The following AUTS2 variants were observed in gnomAD, a reference collection of about 807,000 sequenced individuals.
The protein encoded by AUTS2 is autism susceptibility gene 2 protein.
In AUTS2, 17 loss-of-function variants were observed where a neutral mutation model predicts 112.4. The observed-to-expected ratio is 0.15, with a 90% CI of 0.10 to 0.23. AUTS2 has a LOEUF of 0.23. Among genes scored for constraint, AUTS2 ranks in the 10% least tolerant of loss-of-function variants. AUTS2 has a pLI of 1.00. For missense variants in AUTS2, 1,510 were observed against 1,701.6 expected (o/e 0.89, Z 1.98); for synonymous variants, 751 against 702.7 (o/e 1.07, Z -1.09).
intron 5 of AUTS2, among the ~76,000 whole-genome samples, chr7:70,538,524 C>G (rs1244785993): frequency 6.6e-6 from 1 of 151,870 alleles, no homozygotes; most frequent in Admixed American, 6.6e-5. Context: ...AGCAAGACTC[C>G]GTCTCAAAAA....
intron 1 of AUTS2, among the ~76,000 whole-genome samples, chr7:69,671,515 GTGTGTGTGTC>G (rs1478832103): frequency 1.3e-5 from 2 of 151,582 alleles, no homozygotes; most frequent in African/African-American, 2.4e-5. Flanking sequence ...GTGTGTGTGT[GTGTGTGTGTC>G]TGTGTGTGTG....
At chr7:69,997,564 G>A (rs1403657169) in intron 2 of AUTS2, among the ~76,000 whole-genome samples, 1 of 152,154 alleles carries the variant, frequency 6.6e-6, no homozygotes, top group African/African-American at 2.4e-5. Flanking sequence ...CATAGCACCA[G>A]CATCTGCTTG....
rs79847037 is a variant in AUTS2 at position 69,746,549 on chromosome 7, C to T, written c.309+146587C>T. 8.7e-4 allele frequency among the ~76,000 whole-genome samples: 132 copies of T among 152,124 alleles called. 4 individuals are homozygous for T. In the East Asian group the frequency reaches 0.021, roughly 24 times the overall value. Reference sequence around the variant, plus strand: ...CTTGAAGAGGGAATGGAATGAGCTGCGCAACTCTTCTTAGGAGAACATTAG... The same window carrying T: ...CTTGAAGAGGGAATGGAATGAGCTGTGCAACTCTTCTTAGGAGAACATTAG... On this transcript the variant is annotated intron_variant, in intron 1 of 18. Transcript: ENST00000342771.
Position 69,787,698 on chromosome 7 carries a change from C to T in AUTS2, c.310-111588C>T, listed in dbSNP as rs565974511. Among the ~76,000 whole-genome samples the T allele has an allele frequency of 4.6e-3, 699 of 152,218 alleles. 3 individuals are homozygous for T. Among genetic ancestry groups the T allele is most frequent in the Non-Finnish European group, 8.1e-3 (554 of 68,012 alleles). ...AATCCCAAGAAGCTGGGATTACAGG[C>T]GTGCCACCATACCCAGCTAATTTTT... On this transcript the variant is annotated intron_variant, in intron 1 of 18. Coordinates refer to ENST00000342771, the MANE Select transcript of AUTS2 (RefSeq NM_015570.4).
rs976271930 is a variant in AUTS2 at position 70,694,881 on chromosome 7, C to A, written c.691-3688C>A. 8.5e-5 allele frequency: 13 copies of A among 152,258 alleles called. No individual in the cohort carries two copies. The highest frequency in any genetic ancestry group is 3.1e-4 in the African/African-American group (13 of 41,562). The allele number at this position is 152,258 out of a possible 1,614,324, so 9.4% of individuals were successfully genotyped here. On this transcript the variant is annotated intron_variant, in intron 5 of 18. Coordinates refer to ENST00000342771, the MANE Select transcript of AUTS2 (RefSeq NM_015570.4). This position sits in a 1 kb window ranked among gnomAD's most constrained non-coding sequence, Gnocchi z 4.1. The stretch of plus-strand genomic sequence containing the variant: ...CTCTCGGACTTTGGCGAGGAAGGAG[C>A]CCAGAGACTCTTGTGGACAGAGCCG...
At chr7:70,056,712 A>G (rs971013285) in intron 2 of AUTS2, among the ~76,000 whole-genome samples, 9 of 152,180 alleles carry the variant, frequency 5.9e-5, no homozygotes, top group African/African-American at 2.2e-4. Context: ...GAGCCTTTCA[A>G]AGGCAGGATT....
At chr7:70,577,355 A>G (rs981837863) in intron 5 of AUTS2, among the ~76,000 whole-genome samples, 24 of 152,174 alleles carry the variant, frequency 1.6e-4, no homozygotes, top group African/African-American at 5.5e-4. Flanking sequence ...CACTGTGCAT[A>G]CCCACATGGT....
intron 6 of AUTS2, among the ~76,000 whole-genome samples, chr7:70,730,345 C>T (rs1787309629): frequency 6.6e-6 from 1 of 151,970 alleles, no homozygotes; most frequent in African/African-American, 2.4e-5. Context: ...ATGCAGCTAT[C>T]ACTACAATTA....
chr7:70,476,423 T>A (rs1797585691), intron 5 of AUTS2, among the ~76,000 whole-genome samples: 1 of 152,220 alleles, frequency 6.6e-6, no homozygotes, highest in Non-Finnish European at 1.5e-5. Flanking sequence ...TATTGTTCAC[T>A]GCTATTAAAC....
intron 2 of AUTS2, among the ~76,000 whole-genome samples, chr7:70,101,787 G>GA (rs909274455): frequency 1.3e-4 from 19 of 151,016 alleles, no homozygotes; most frequent in African/African-American, 2.4e-4. Context: ...TTTTTAATAG[G>GA]AAAAAAAAAT....
chr7:69,938,427 T>C lies in AUTS2; in HGVS notation c.522+38929T>C, dbSNP rs1031349396. 2.0e-5 allele frequency among the ~76,000 whole-genome samples: 3 copies of C among 152,228 alleles called. 1 individual carries two copies. The highest frequency in any genetic ancestry group is 4.4e-5 in the Non-Finnish European group (3 of 68,048). Reference sequence around the variant, plus strand: ...TTTTTGCTGTTGCAGGAGGAAAGTATGATTTTTAAAATACAATAATCCTTT... The same window carrying C: ...TTTTTGCTGTTGCAGGAGGAAAGTACGATTTTTAAAATACAATAATCCTTT... On this transcript the variant is annotated intron_variant, in intron 2 of 18. Transcript: ENST00000342771.
chr7:70,006,431 A>G (rs1393027661), intron 2 of AUTS2, among the ~76,000 whole-genome samples: 3 of 152,194 alleles, frequency 2.0e-5, no homozygotes, highest in African/African-American at 7.2e-5. Flanking sequence ...AAGCTACGGA[A>G]ATGTGAGACG....
intron 5 of AUTS2, among the ~76,000 whole-genome samples, chr7:70,450,488 A>C (rs1450222344): frequency 6.6e-6 from 1 of 152,248 alleles, no homozygotes; most frequent in Non-Finnish European, 1.5e-5. Context: ...AAGGCTTAGC[A>C]TGTGGAGAGA....
At position 69,848,060 on chromosome 7, in the gene AUTS2, C is replaced by T. The variant is rs144811388; in HGVS notation, c.310-51226C>T. On this transcript the variant is annotated intron_variant, in intron 1 of 18. Transcript: ENST00000342771. ...TAGAGAACAGCCATCTGTACTTTGT[C>T]CTGTAAGTCATTAGAGACTGGCAGA... 2.1e-3 allele frequency among the ~76,000 whole-genome samples: 322 copies of T among 152,304 alleles called. 3 individuals carry two copies. Among genetic ancestry groups the T allele is most frequent in the African/African-American group, 7.6e-3 (315 of 41,576 alleles).
At chr7:70,647,766 A>G (rs991825157) in intron 5 of AUTS2, among the ~76,000 whole-genome samples, 7 of 152,208 alleles carry the variant, frequency 4.6e-5, no homozygotes, top group African/African-American at 1.7e-4. Flanking sequence ...CTAGCATGCC[A>G]GGGAGGCAGG....
intron 5 of AUTS2, among the ~76,000 whole-genome samples, chr7:70,528,595 A>G (rs1053328766): frequency 2.0e-5 from 3 of 151,824 alleles, no homozygotes; most frequent in Non-Finnish European, 4.4e-5. Flanking sequence ...GCAAGGATCC[A>G]CAGGTTAAGC....
intron 4 of AUTS2, among the ~76,000 whole-genome samples, chr7:70,150,942 A>G (rs1807400380): frequency 6.6e-6 from 1 of 152,248 alleles, no homozygotes; most frequent in Non-Finnish European, 1.5e-5. Context: ...GACACTGGAC[A>G]TAAGGCAGTA....
chr7:69,836,614 C>A (rs1321286264), intron 1 of AUTS2, among the ~76,000 whole-genome samples: 1 of 152,096 alleles, frequency 6.6e-6, no homozygotes, highest in East Asian at 1.9e-4. Flanking sequence ...GATTAAATCA[C>A]TCCAGTTTAT....
chr7:69,966,591 A>G (rs909231801), intron 2 of AUTS2, among the ~76,000 whole-genome samples: 9 of 152,006 alleles, frequency 5.9e-5, no homozygotes, highest in African/African-American at 2.2e-4. Flanking sequence ...TTTGGGAAAT[A>G]TTTTTTACTT....
Sources: gnomAD v4.1 joint callset for allele counts (sites outside exome capture counted in the v4.1 genomes callset) on GRCh38, gnomAD v4.1.1 for gene constraint, Gnocchi (gnomAD v3.1) non-coding constraint, MANE v1.5 for transcripts, NCBI Gene and HGNC (gene_info 2026-07-23, HGNC 2026-07-21) for gene names.